KLF12: variants seen among roughly 807,000 people sequenced by gnomAD.
KLF12 encodes the protein KLF transcription factor 12.
KLF12 carries 9 observed loss-of-function variants against 37.8 expected under a neutral mutation model. The ratio of observed to expected loss-of-function variants is 0.24; its 90% CI spans 0.14 to 0.42. The LOEUF (loss-of-function observed/expected upper bound fraction) is 0.42, where lower values mean the gene tolerates loss of function less well. Ranked by LOEUF, KLF12 falls within the 10% of genes least tolerant of loss-of-function variation. The pLI is 1.00. For missense variants in KLF12, 411 were observed against 516.0 expected, an observed-to-expected ratio of 0.80 and a Z score of 1.97; for synonymous variants, 208 against 202.1, an observed-to-expected ratio of 1.03 and a Z score of -0.25.
At chr13:73,721,717 A>C (rs1876274953) in intron 6 of KLF12, among the ~76,000 whole-genome samples, 1 of 100,892 alleles carries the variant, frequency 9.9e-6, no homozygotes, top group South Asian at 3.1e-4. Flanking sequence ...ATGCCTAGTT[A>C]ATTTTTTTTT....
the KLF12 span, among the ~76,000 whole-genome samples, chr13:74,159,538 AT>A: frequency 6.6e-6 from 1 of 152,230 alleles, no homozygotes; most frequent in South Asian, 2.1e-4. Context: ...TAATGCACAT[AT>A]TTCATTATTA....
At chr13:73,914,619 G>A (rs374161056) in intron 3 of KLF12, among the ~76,000 whole-genome samples, 28 of 152,282 alleles carry the variant, frequency 1.8e-4, no homozygotes, top group African/African-American at 6.5e-4. Flanking sequence ...CCTCTGTGAA[G>A]GACCTTCTTC....
chr13:74,165,421 C>T, the KLF12 span, among the ~76,000 whole-genome samples: 1 of 151,776 alleles, frequency 6.6e-6, no homozygotes, highest in African/African-American at 2.4e-5. Context: ...ACCTCAGCCT[C>T]CCAAGTAGCT....
chr13:74,191,654 C>T, the KLF12 span, among the ~76,000 whole-genome samples: 1 of 152,154 alleles, frequency 6.6e-6, no homozygotes, highest in Non-Finnish European at 1.5e-5. Flanking sequence ...ACAGCTCTAG[C>T]ATACAGGCCT....
intron 4 of KLF12, 137 bp downstream of exon 4, chr13:73,845,690 A>G (rs567847222): frequency 5.7e-5 from 40 of 699,534 alleles, no homozygotes; most frequent in East Asian, 5.0e-4. Context: ...CTTAAGGCTG[A>G]ACAGCTGGTG....
At chr13:74,222,327 T>C in the KLF12 span, among the ~76,000 whole-genome samples, 740 of 152,316 alleles carry the variant, frequency 4.9e-3, 2 homozygotes, top group Non-Finnish European at 9.1e-3. Context: ...TGAAAAATAG[T>C]TTATGGTTTT....
At chr13:74,266,279 A>G in the KLF12 span, among the ~76,000 whole-genome samples, 1 of 152,192 alleles carries the variant, frequency 6.6e-6, no homozygotes, top group Non-Finnish European at 1.5e-5. Context: ...CCTCTCCAGT[A>G]AGTAACTAGT....
Position 73,805,607 on chromosome 13 carries a change from A to AG in KLF12, c.806+7544dup, listed in dbSNP as rs1264806577. On this transcript the variant is annotated intron_variant, in intron 5 of 7. Transcript: ENST00000377669. ...CCTGGGCAACAGAGGCACTGTCAGAAGGAAGGGAGGGAGGGAGGGAGGGAG... is the reference window on the plus strand; with the variant it reads ...CCTGGGCAACAGAGGCACTGTCAGAAGGGAAGGGAGGGAGGGAGGGAGGGAG... Among the ~76,000 whole-genome samples, 36 of 40,940 alleles carry AG rather than the reference A, an allele frequency of 8.8e-4. 5 individuals are homozygous for AG. Among genetic ancestry groups the AG allele is most frequent in the African/African-American group, 3.2e-3 (33 of 10,444 alleles). The allele number at this position is 40,940 out of a possible 152,430, so 26.9% of individuals were successfully genotyped here.
intron 1 of KLF12, among the ~76,000 whole-genome samples, chr13:74,057,693 G>C (rs185802442): frequency 6.6e-6 from 1 of 152,074 alleles, no homozygotes; most frequent in Non-Finnish European, 1.5e-5. Flanking sequence ...TATTTTAAAA[G>C]AGAATATATT....
chr13:74,203,891 G>C, the KLF12 span, among the ~76,000 whole-genome samples: 2 of 152,062 alleles, frequency 1.3e-5, no homozygotes, highest in African/African-American at 4.8e-5. Context: ...ACTCTGTTTT[G>C]AACAGTATGT....
chr13:74,120,710 T>G (rs2138977098), intron 1 of KLF12, among the ~76,000 whole-genome samples: 1 of 152,034 alleles, frequency 6.6e-6, no homozygotes, highest in South Asian at 2.1e-4. Context: ...GGCTATAACA[T>G]GTATAAGTAA....
the KLF12 span, among the ~76,000 whole-genome samples, chr13:74,288,758 G>C: frequency 6.6e-6 from 1 of 152,166 alleles, no homozygotes; most frequent in Non-Finnish European, 1.5e-5. Flanking sequence ...CCAGAAAAGA[G>C]CTGAACAGTG....
chr13:73,916,246 C>CACAT (rs1491519733), intron 3 of KLF12, among the ~76,000 whole-genome samples: 47 of 33,060 alleles, frequency 1.4e-3, no homozygotes, highest in African/African-American at 3.9e-3. Flanking sequence ...CACACGCACA[C>CACAT]GCACACACAC....
intron 5 of KLF12, among the ~76,000 whole-genome samples, chr13:73,796,281 T>G (rs1221385499): frequency 6.6e-6 from 1 of 152,210 alleles, no homozygotes; most frequent in Non-Finnish European, 1.5e-5. Context: ...CCGTTAGCAC[T>G]GACAATTCCT....
Position 74,050,319 on chromosome 13 carries a change from G to A in KLF12, c.-31-55266C>T, listed in dbSNP as rs79230332. Among the ~76,000 whole-genome samples the A allele has an allele frequency of 8.3e-3, 1,261 of 152,208 alleles. 17 individuals carry two copies. Among genetic ancestry groups the A allele is most frequent in the East Asian group, 0.057 (294 of 5,178 alleles). ...ATTATCGGTCTTGTATAAATGTTAAGATATTTTACACATGCTGGATTTGAA... is the reference window on the plus strand; with the variant it reads ...ATTATCGGTCTTGTATAAATGTTAAAATATTTTACACATGCTGGATTTGAA... On this transcript the variant is annotated intron_variant, in intron 1 of 7. Transcript: ENST00000377669.
intron 3 of KLF12, among the ~76,000 whole-genome samples, chr13:73,936,201 A>G (rs1421129427): frequency 6.6e-6 from 1 of 152,144 alleles, no homozygotes; most frequent in African/African-American, 2.4e-5. Flanking sequence ...TTTTTACATC[A>G]TTCAGCACTA....
intron 3 of KLF12, among the ~76,000 whole-genome samples, chr13:73,858,497 T>C (rs1048217907): frequency 6.6e-6 from 1 of 152,234 alleles, no homozygotes; most frequent in Non-Finnish European, 1.5e-5. Context: ...GGTGATTTAC[T>C]GGGCGAAGAA....
At chr13:74,271,010 G>C in the KLF12 span, among the ~76,000 whole-genome samples, 1 of 152,130 alleles carries the variant, frequency 6.6e-6, no homozygotes, top group African/African-American at 2.4e-5. Context: ...GGAGGTGAGC[G>C]GTGGGTGAGT....
intron 3 of KLF12, among the ~76,000 whole-genome samples, chr13:73,921,750 AAC>A (rs1281953889): frequency 1.3e-5 from 2 of 152,222 alleles, no homozygotes; most frequent in Admixed American, 6.5e-5. Context: ...GGGAATAAAT[AAC>A]ACACATTTTA....
Sources: gnomAD v4.1 joint callset for allele counts (sites outside exome capture counted in the v4.1 genomes callset) on GRCh38, gnomAD v4.1.1 for gene constraint, MANE v1.5 for transcripts, NCBI Gene and HGNC (gene_info 2026-07-23, HGNC 2026-07-21) for gene names.